TENM3: variants seen among roughly 807,000 people sequenced by gnomAD.
The protein encoded by TENM3 is teneurin-3.
In TENM3, 63 loss-of-function variants were observed where a neutral mutation model predicts 255.1. That is an observed-to-expected ratio of 0.25 (90% CI 0.20 to 0.30). The LOEUF (loss-of-function observed/expected upper bound fraction) is 0.30, where lower values mean the gene tolerates loss of function less well. TENM3 is among the 10% of genes least tolerant of loss of function. The probability of loss-of-function intolerance (pLI) is 1.00; values close to 1 mark genes in which losing one functional copy is unlikely to be tolerated. For missense variants in TENM3, 2,929 were observed against 3,461.1 expected, an observed-to-expected ratio of 0.85 and a Z score of 3.86; for synonymous variants, 1,306 against 1,322.3, an observed-to-expected ratio of 0.99 and a Z score of 0.27.
intron 1 of TENM3, among the ~76,000 whole-genome samples, chr4:182,253,829 C>T (rs2726824): frequency 0.38 from 57,047 of 151,938 alleles, 11,710 homozygotes; most frequent in African/African-American, 0.55. Context: ...GCCTCTAAAT[C>T]GAGATAGCAG....
At chr4:181,683,307 T>C in the TENM3 span, among the ~76,000 whole-genome samples, 1 of 152,110 alleles carries the variant, frequency 6.6e-6, no homozygotes, top group South Asian at 2.1e-4. Flanking sequence ...CAAGTCATCT[T>C]TGATGGAGCA....
At position 182,432,865 on chromosome 4, in the gene TENM3, T is replaced by TGTGTGTGTGTGTGTGTGTGTGTG. The variant is rs1554066043; in HGVS notation, c.511+85936_511+85937insGTGTGTGTGTGTGTGTGTGTGTG. ...ATGGATTTGGGTGTGTGTGTGTGTG[T>TGTGTGTGTGTGTGTGTGTGTGTG]TTTAGTAGAGATGGTTTCACTATGT... On this transcript the variant is annotated intron_variant, in intron 3 of 27. Coordinates refer to ENST00000511685, the MANE Select transcript of TENM3 (RefSeq NM_001080477.4). Among the ~76,000 whole-genome samples the TGTGTGTGTGTGTGTGTGTGTGTG allele has an allele frequency of 1.7e-4, 25 of 151,478 alleles. 1 individual carries two copies. The highest frequency in any genetic ancestry group is 4.2e-4 in the South Asian group (2 of 4,754).
chr4:182,112,761 TC>T, the TENM3 span, among the ~76,000 whole-genome samples: 1 of 152,228 alleles, frequency 6.6e-6, no homozygotes, highest in South Asian at 2.1e-4. Flanking sequence ...CTAATTGCCA[TC>T]CCGGAATCTC....
At chr4:182,610,744 CTTT>C (rs34833684) in intron 4 of TENM3, among the ~76,000 whole-genome samples, 17 of 134,428 alleles carry the variant, frequency 1.3e-4, no homozygotes, top group Non-Finnish European at 1.6e-4. Context: ...ACTAAAGTTA[CTTT>C]TTTTTTTTTT....
the TENM3 span, among the ~76,000 whole-genome samples, chr4:181,948,290 C>T: frequency 6.6e-6 from 1 of 152,100 alleles, no homozygotes; most frequent in African/African-American, 2.4e-5. Flanking sequence ...GTATATAGAA[C>T]ATTTTAATAG....
chr4:182,175,334 T>C (rs28535534), intron 1 of TENM3, among the ~76,000 whole-genome samples: 31,664 of 145,774 alleles, frequency 0.22, 3,807 homozygotes, highest in Admixed American at 0.35. Context: ...TATATATATA[T>C]ACACACAAGT....
chr4:181,610,032 C>CA, the TENM3 span, among the ~76,000 whole-genome samples: 1 of 152,070 alleles, frequency 6.6e-6, no homozygotes, highest in Admixed American at 6.5e-5. Flanking sequence ...ACAAGCAGCA[C>CA]AATAGAAGAT....
At chr4:182,260,057 A>G (rs1176505973) in intron 1 of TENM3, among the ~76,000 whole-genome samples, 1 of 152,148 alleles carries the variant, frequency 6.6e-6, no homozygotes, top group Non-Finnish European at 1.5e-5. Flanking sequence ...GTTGCTGCAA[A>G]TGACCGGATT....
chr4:181,799,172 T>C, the TENM3 span, among the ~76,000 whole-genome samples: 135 of 152,358 alleles, frequency 8.9e-4, 1 homozygote, highest in Non-Finnish European at 7.3e-5. Flanking sequence ...GCAGCAGCAA[T>C]TAGATAAACC....
At chr4:182,665,578 A>G (rs975033295) in intron 6 of TENM3, among the ~76,000 whole-genome samples, 2 of 152,088 alleles carry the variant, frequency 1.3e-5, no homozygotes, top group African/African-American at 4.8e-5. Flanking sequence ...TTTTCCTGTG[A>G]TAGATCTGGG....
chr4:181,617,174 A>G, the TENM3 span, among the ~76,000 whole-genome samples: 9 of 152,234 alleles, frequency 5.9e-5, no homozygotes, highest in Non-Finnish European at 1.0e-4. Flanking sequence ...AGTGGAATTT[A>G]GATTTAGAGA....
At chr4:182,765,832 A>C (rs562061978) in intron 22 of TENM3, among the ~76,000 whole-genome samples, 2 of 152,324 alleles carry the variant, frequency 1.3e-5, no homozygotes, top group East Asian at 3.9e-4. Context: ...TGTGATTTTT[A>C]CCATTTCCTT....
At chr4:182,702,121 G>A in intron 12 of TENM3, among the ~76,000 whole-genome samples, 1 of 152,158 alleles carries the variant, frequency 6.6e-6, no homozygotes, top group Non-Finnish European at 1.5e-5. Flanking sequence ...TAGTGAAGGA[G>A]CAGAAAATAT....
At chr4:182,326,387 T>C (rs1271765777) in intron 2 of TENM3, among the ~76,000 whole-genome samples, 2 of 152,162 alleles carry the variant, frequency 1.3e-5, no homozygotes, top group African/African-American at 4.8e-5. Flanking sequence ...CCATGGCTCC[T>C]GAGAACTAAG....
intron 22 of TENM3, among the ~76,000 whole-genome samples, chr4:182,757,311 C>CACAAAAA (rs1762813850): frequency 1.9e-5 from 1 of 53,608 alleles, no homozygotes; most frequent in Admixed American, 2.6e-4. Context: ...GACTCCGTCT[C>CACAAAAA]AAAAAAAAAA....
At chr4:182,490,499 G>A (rs1735188315) in intron 3 of TENM3, among the ~76,000 whole-genome samples, 1 of 152,022 alleles carries the variant, frequency 6.6e-6, no homozygotes, top group African/African-American at 2.4e-5. Flanking sequence ...TGTGAGTCAG[G>A]AGCTCACCAA....
chr4:182,400,733 C>A (rs1769163959), intron 3 of TENM3, among the ~76,000 whole-genome samples: 1 of 152,118 alleles, frequency 6.6e-6, no homozygotes, highest in Admixed American at 6.5e-5. Context: ...ATTAAGGGAG[C>A]TCCAAGAGCT....
chr4:182,007,493 T>G, the TENM3 span, among the ~76,000 whole-genome samples: 6 of 152,186 alleles, frequency 3.9e-5, no homozygotes, highest in Non-Finnish European at 8.8e-5. Flanking sequence ...TTCTTTGTCT[T>G]TTTTGATCTT....
At chr4:182,314,250 G>C (rs1762618418) in intron 1 of TENM3, among the ~76,000 whole-genome samples, 2 of 151,726 alleles carry the variant, frequency 1.3e-5, no homozygotes, top group Admixed American at 6.6e-5. Flanking sequence ...GCAGTGAGCC[G>C]AGATCGCGCC....
Sources: allele counts gnomAD v4.1 joint callset (sites outside exome capture counted in the v4.1 genomes callset), GRCh38; gene constraint gnomAD v4.1.1; transcripts MANE v1.5; gene names NCBI Gene and HGNC (gene_info 2026-07-23, HGNC 2026-07-21).